GPHN: variants seen among roughly 807,000 people sequenced by gnomAD.
GPHN encodes the protein gephyrin.
Under a neutral mutation model 95.5 loss-of-function variants are expected in GPHN, and 17 were observed. The ratio of observed to expected loss-of-function variants is 0.18; its 90% CI spans 0.12 to 0.27. The LOEUF (loss-of-function observed/expected upper bound fraction) is 0.27, where lower values mean the gene tolerates loss of function less well. Among genes scored for constraint, GPHN ranks in the 10% least tolerant of loss-of-function variants. The pLI is 1.00. For missense variants in GPHN, 660 were observed against 978.1 expected (o/e 0.67, Z 4.34); for synonymous variants, 320 against 322.5 (o/e 0.99, Z 0.08).
the GPHN span, among the ~76,000 whole-genome samples, chr14:67,300,452 T>A: frequency 6.6e-6 from 1 of 151,858 alleles, no homozygotes. Flanking sequence ...CTCAGCCTCT[T>A]GAGTAGCTGG....
At chr14:67,674,656 C>G in the GPHN span, 1 of 498,206 alleles carries the variant, frequency 2.0e-6, no homozygotes, top group Admixed American at 3.9e-5. Context: ...CGAGCCGGAA[C>G]GCCCACCTTC....
At chr14:67,211,221 T>A in the GPHN span, among the ~76,000 whole-genome samples, 3 of 152,070 alleles carry the variant, frequency 2.0e-5, no homozygotes, top group African/African-American at 7.2e-5. Context: ...ATGGTAACTG[T>A]TCAAAATACA....
the GPHN span, chr14:67,556,000 C>CCTGAACAAAT: frequency 7.3e-7 from 1 of 1,372,604 alleles, no homozygotes; most frequent in Non-Finnish European, 1.0e-6. Flanking sequence ...CTGTGTTATA[C>CCTGAACAAAT]CTGAACAAAT....
At chr14:66,509,013 C>T (rs997570152) in intron 1 of GPHN, 13 of 244,174 alleles carry the variant, frequency 5.3e-5, no homozygotes, top group South Asian at 4.5e-4. Flanking sequence ...CCCATCTCCA[C>T]CCCCTTCCTC....
At chr14:66,719,066 A>G (rs1260244356) in intron 2 of GPHN, among the ~76,000 whole-genome samples, 1 of 152,184 alleles carries the variant, frequency 6.6e-6, no homozygotes, top group Non-Finnish European at 1.5e-5. Flanking sequence ...CCCTGCTAGC[A>G]GCACCAAGTC....
chr14:66,838,123 A>G (rs918290312), intron 4 of GPHN, among the ~76,000 whole-genome samples: 6 of 152,246 alleles, frequency 3.9e-5, no homozygotes, highest in African/African-American at 1.4e-4. Context: ...TCTTAGATCC[A>G]CCTGTTATTA....
At chr14:67,731,907 A>G in the GPHN span, among the ~76,000 whole-genome samples, 3 of 151,454 alleles carry the variant, frequency 2.0e-5, no homozygotes, top group Admixed American at 6.6e-5. Flanking sequence ...TGGGTGGATC[A>G]CTTGAGGTCA....
At chr14:67,143,845 C>G (rs1210606334) in intron 18 of GPHN, among the ~76,000 whole-genome samples, 1 of 152,026 alleles carries the variant, frequency 6.6e-6, no homozygotes, top group East Asian at 1.9e-4. Context: ...CCATATATTC[C>G]AAATCTACCA....
At chr14:67,355,520 T>C in the GPHN span, among the ~76,000 whole-genome samples, 1 of 124,988 alleles carries the variant, frequency 8.0e-6, no homozygotes, top group East Asian at 2.6e-4. Flanking sequence ...TAGTACATGC[T>C]ACAATAAAAT....
Position 67,068,229 on chromosome 14 carries a change from A to G in GPHN, c.1144+9443A>G, listed in dbSNP as rs112935489. ...AATCAATGTAAACATTATTCTTATA[A>G]AGCAAGTGCCTAGACGTGTTTGCAT... On this transcript the variant is annotated intron_variant, in intron 11 of 22. Transcript: ENST00000478722. Among the ~76,000 whole-genome samples the G allele has an allele frequency of 6.9e-3, 1,051 of 152,284 alleles. 9 individuals are homozygous for G. The highest frequency in any genetic ancestry group is 0.01 in the Non-Finnish European group (701 of 68,024).
chr14:67,038,680 A>T (rs1406341082), intron 10 of GPHN, among the ~76,000 whole-genome samples: 1 of 152,028 alleles, frequency 6.6e-6, no homozygotes, highest in East Asian at 1.9e-4. Context: ...CAAGCTCCAG[A>T]TTCTCCTTGC....
chr14:67,609,812 C>T, the GPHN span, among the ~76,000 whole-genome samples: 2 of 152,070 alleles, frequency 1.3e-5, no homozygotes, highest in Non-Finnish European at 2.9e-5. Flanking sequence ...GGTGGGGATC[C>T]GCTAGGGGCT....
At chr14:67,070,903 C>G (rs990165652) in intron 11 of GPHN, among the ~76,000 whole-genome samples, 2 of 151,584 alleles carry the variant, frequency 1.3e-5, no homozygotes, top group Non-Finnish European at 2.9e-5. Flanking sequence ...CCTATACCAT[C>G]AGAGAAATGC....
chr14:66,679,895 A>G (rs1281658233), intron 1 of GPHN, among the ~76,000 whole-genome samples: 1 of 151,994 alleles, frequency 6.6e-6, no homozygotes, highest in African/African-American at 2.4e-5. Flanking sequence ...GTCTGTTTAT[A>G]TTTATTCTCT....
chr14:67,035,443 G>T (rs1374681941), intron 10 of GPHN, among the ~76,000 whole-genome samples: 1 of 151,764 alleles, frequency 6.6e-6, no homozygotes, highest in Non-Finnish European at 1.5e-5. Context: ...AAAAAGCAAT[G>T]AAACTAAGAG....
chr14:67,535,187 T>G, the GPHN span, among the ~76,000 whole-genome samples: 3 of 152,160 alleles, frequency 2.0e-5, no homozygotes, highest in African/African-American at 7.2e-5. Context: ...TGAATATCTC[T>G]GAGAGAACAC....
chr14:66,645,705 A>G (rs1398750652), intron 1 of GPHN, among the ~76,000 whole-genome samples: 1 of 151,638 alleles, frequency 6.6e-6, no homozygotes, highest in Non-Finnish European at 1.5e-5. Flanking sequence ...AAAAAAAAAA[A>G]AGAAAATTTT....
chr14:67,312,479 C>T, the GPHN span: 1 of 1,334,946 alleles, frequency 7.5e-7, no homozygotes, highest in Non-Finnish European at 1.0e-6. Flanking sequence ...TCATATGAAA[C>T]ATTTTATATT....
At chr14:67,587,604 G>A in the GPHN span, 3 of 280,660 alleles carry the variant, frequency 1.1e-5, no homozygotes, top group African/African-American at 2.3e-5. Context: ...TCTGGGGGGG[G>A]CGGGGGACAC....
Sources: allele counts gnomAD v4.1 joint callset (sites outside exome capture counted in the v4.1 genomes callset), GRCh38; gene constraint gnomAD v4.1.1; transcripts MANE v1.5; gene names NCBI Gene and HGNC (gene_info 2026-07-23, HGNC 2026-07-21).